KCNMB2: variants seen among roughly 807,000 people sequenced by gnomAD.
KCNMB2 encodes potassium calcium-activated channel subfamily M regulatory beta subunit 2.
Under a neutral mutation model 24.5 loss-of-function variants are expected in KCNMB2, and 9 were observed. The ratio of observed to expected loss-of-function variants is 0.37; its 90% CI spans 0.22 to 0.64. KCNMB2 has a LOEUF of 0.64. Among genes scored for constraint, KCNMB2 ranks in the 30% least tolerant of loss-of-function variants. KCNMB2 has a pLI of 0.63. For synonymous variants in KCNMB2, 109 were observed against 104.4 expected, an observed-to-expected ratio of 1.04 and a Z score of -0.27; for missense variants, 226 against 284.3, an observed-to-expected ratio of 0.79 and a Z score of 1.47.
intron 1 of KCNMB2, among the ~76,000 whole-genome samples, chr3:178,761,179 T>C (rs898112979): frequency 1.3e-5 from 2 of 152,164 alleles, no homozygotes; most frequent in East Asian, 1.9e-4. Flanking sequence ...TCTCCATGCT[T>C]AGACAAAGAG....
At chr3:178,699,332 G>C (rs1214265893) in intron 1 of KCNMB2, among the ~76,000 whole-genome samples, 1 of 152,220 alleles carries the variant, frequency 6.6e-6, no homozygotes, top group Non-Finnish European at 1.5e-5. Context: ...TGGTTAGTGA[G>C]TGAAGGGGAG....
chr3:178,812,246 A>G (rs1419511767), intron 2 of KCNMB2, among the ~76,000 whole-genome samples: 1 of 151,348 alleles, frequency 6.6e-6, no homozygotes, highest in East Asian at 1.9e-4. Flanking sequence ...TAATTTTTTT[A>G]TTATTATACT....
chr3:178,732,869 G>A (rs76532873), intron 1 of KCNMB2, among the ~76,000 whole-genome samples: 2 of 152,238 alleles, frequency 1.3e-5, no homozygotes, highest in East Asian at 1.9e-4. Flanking sequence ...TTTATGGAAC[G>A]TAACTACCAC....
intron 1 of KCNMB2, among the ~76,000 whole-genome samples, chr3:178,781,569 G>A (rs1712841593): frequency 6.6e-6 from 1 of 151,772 alleles, no homozygotes; most frequent in Non-Finnish European, 1.5e-5. Flanking sequence ...TCCAGCCTTG[G>A]AGCAAGACTC....
intron 1 of KCNMB2, among the ~76,000 whole-genome samples, chr3:178,771,589 C>CTCCCAATCT (rs1299539856): frequency 6.6e-6 from 1 of 150,982 alleles, no homozygotes; most frequent in Non-Finnish European, 1.5e-5. Flanking sequence ...TCCAGCAACC[C>CTCCCAATCT]TCCCAATCTT....
chr3:178,662,642 G>A (rs926339438), intron 1 of KCNMB2, among the ~76,000 whole-genome samples: 1 of 151,836 alleles, frequency 6.6e-6, no homozygotes, highest in African/African-American at 2.4e-5. Context: ...TATAAATTGT[G>A]GATAATAATA....
At chr3:178,671,504 C>T (rs1720897659) in intron 1 of KCNMB2, among the ~76,000 whole-genome samples, 1 of 152,132 alleles carries the variant, frequency 6.6e-6, no homozygotes, top group African/African-American at 2.4e-5. Flanking sequence ...AGTCTAGACT[C>T]ATTATCTCAG....
At chr3:178,579,353 G>A (rs1363313080) in intron 1 of KCNMB2, among the ~76,000 whole-genome samples, 1 of 152,134 alleles carries the variant, frequency 6.6e-6, no homozygotes, top group African/African-American at 2.4e-5. Context: ...AAGAATCTCT[G>A]GGACACAGCT....
chr3:178,844,237 G>T lies in KCNMB2; in HGVS notation c.*1300G>T, dbSNP rs951558790. Reference sequence around the variant, plus strand: ...CTATATTTAAGTACCTTTTTGTAATGTAGTATCAAAGTTTTTTAGGTAATG... The same window carrying T: ...CTATATTTAAGTACCTTTTTGTAATTTAGTATCAAAGTTTTTTAGGTAATG... On this transcript the variant is annotated 3_prime_UTR_variant, in exon 5 of 5. Transcript: ENST00000452583. 1 of 152,384 alleles carries T rather than the reference G, an allele frequency of 6.6e-6. No homozygotes were observed. Among genetic ancestry groups the T allele is most frequent in the African/African-American group, 2.4e-5 (1 of 41,404 alleles). The allele number at this position is 152,384 out of a possible 1,614,324, so 9.4% of individuals were successfully genotyped here.
At chr3:178,822,324 C>A (rs558830599) in intron 2 of KCNMB2, among the ~76,000 whole-genome samples, 309 of 152,318 alleles carry the variant, frequency 2.0e-3, no homozygotes, top group Admixed American at 8.6e-3. Flanking sequence ...CCTTCAGGAA[C>A]CTTTCCCTAA....
chr3:178,806,685 T>C (rs1259714646), intron 1 of KCNMB2, among the ~76,000 whole-genome samples: 2 of 39,562 alleles, frequency 5.1e-5, no homozygotes, highest in Non-Finnish European at 9.2e-5. Context: ...AGCCAAGTCA[T>C]AATAATAATA....
At chr3:178,737,594 A>G (rs1444873054) in intron 1 of KCNMB2, among the ~76,000 whole-genome samples, 1 of 152,248 alleles carries the variant, frequency 6.6e-6, no homozygotes, top group Non-Finnish European at 1.5e-5. Context: ...AATAATTTCC[A>G]AGTGCTAGAC....
Position 178,843,965 on chromosome 3 carries a change from CT to C in KCNMB2, c.*1029del, listed in dbSNP as rs1165189995. 4 of 152,282 alleles carry C rather than the reference CT, an allele frequency of 2.6e-5. No homozygotes were observed. Among genetic ancestry groups the C allele is most frequent in the African/African-American group, 9.7e-5 (4 of 41,422 alleles). The allele number at this position is 152,282 out of a possible 1,614,324, so 9.4% of individuals were successfully genotyped here. Reference sequence around the variant, plus strand: ...AAAGCTATGTGCACAGAATATTAGTCTCTTCTACATGTTTTATTTTTCTATT... The same window carrying C: ...AAAGCTATGTGCACAGAATATTAGTCCTTCTACATGTTTTATTTTTCTATT... On this transcript the variant is annotated 3_prime_UTR_variant, in exon 5 of 5. Coordinates refer to ENST00000452583, the MANE Select transcript of KCNMB2 (RefSeq NM_181361.3).
At chr3:178,720,484 G>T (rs1330987740) in intron 1 of KCNMB2, among the ~76,000 whole-genome samples, 2 of 110,180 alleles carry the variant, frequency 1.8e-5, no homozygotes, top group East Asian at 4.5e-4. Context: ...ATAGTCCTTT[G>T]GGTATATACC....
chr3:178,736,466 T>C (rs1327887177), intron 1 of KCNMB2, among the ~76,000 whole-genome samples: 1 of 152,166 alleles, frequency 6.6e-6, no homozygotes, highest in African/African-American at 2.4e-5. Context: ...TTCCAGACCT[T>C]TTCACTCTGC....
chr3:178,769,922 GTC>G (rs1712275956), intron 1 of KCNMB2, among the ~76,000 whole-genome samples: 2 of 152,142 alleles, frequency 1.3e-5, no homozygotes, highest in Non-Finnish European at 2.9e-5. Context: ...TACAAATGTA[GTC>G]TCTAGTAAAA....
intron 1 of KCNMB2, among the ~76,000 whole-genome samples, chr3:178,758,707 G>GAT (rs1711502952): frequency 4.9e-5 from 2 of 40,632 alleles, no homozygotes; most frequent in African/African-American, 2.3e-4. Flanking sequence ...TCTACAAGAG[G>GAT]AGATATATAT....
At chr3:178,756,496 A>C (rs1724046802) in intron 1 of KCNMB2, among the ~76,000 whole-genome samples, 1 of 152,164 alleles carries the variant, frequency 6.6e-6, no homozygotes, top group African/African-American at 2.4e-5. Flanking sequence ...TATTTTCACA[A>C]ATAATTATAT....
chr3:178,759,273 A>T (rs1711568010), intron 1 of KCNMB2, among the ~76,000 whole-genome samples: 1 of 125,168 alleles, frequency 8.0e-6, no homozygotes, highest in Non-Finnish European at 1.7e-5. Flanking sequence ...AGACAGATAC[A>T]TATATATCTC....
Sources: allele counts gnomAD v4.1 joint callset (sites outside exome capture counted in the v4.1 genomes callset), GRCh38; gene constraint gnomAD v4.1.1; transcripts MANE v1.5; gene names NCBI Gene and HGNC (gene_info 2026-07-23, HGNC 2026-07-21).